The following VIT variants were observed in gnomAD, a reference collection of about 807,000 sequenced individuals.
VIT encodes the protein vitrin.
VIT carries 99 observed loss-of-function variants against 78.0 expected under a neutral mutation model. That is an observed-to-expected ratio of 1.27 (90% confidence interval 1.08 to 1.50). VIT has a LOEUF of 1.50. Ranked by LOEUF, VIT falls within the 40% of genes most tolerant of loss-of-function variation. The pLI is 0.00. For missense variants in VIT, 1,126 were observed against 875.3 expected (o/e 1.29, Z -3.61); for synonymous variants, 374 against 334.3 (o/e 1.12, Z -1.29).
In VIT at chr2:36,712,192, G is replaced by C. The variant is rs114963914; in HGVS notation, c.-18-4161G>C. Among the ~76,000 whole-genome samples the C allele has an allele frequency of 8.8e-3, 1,346 of 152,208 alleles. 9 individuals are homozygous for C. Among genetic ancestry groups the C allele is most frequent in the Non-Finnish European group, 0.012 (814 of 68,018 alleles). ...TTCAAAAGGCACATTTACATTTTAA[G>C]TGCTTGAGTAAACAGACCAAGCAAG... On this transcript the variant is annotated intron_variant, in intron 1 of 15. Coordinates refer to ENST00000379242, the MANE Select transcript of VIT (RefSeq NM_053276.4).
chr2:36,795,437 CGCTCTTGTTGCCCAGGCTG>C (rs1203620123), intron 12 of VIT, among the ~76,000 whole-genome samples: 1 of 150,042 alleles, frequency 6.7e-6, no homozygotes, highest in East Asian at 1.9e-4. Context: ...GACGGAGTTT[CGCTCTTGTTGCCCAGGCTG>C]GATCTTGTTG....
chr2:36,729,591 T>C (rs1217875680), intron 3 of VIT, 100 bp downstream of exon 3: 1 of 1,160,070 alleles, frequency 8.6e-7, no homozygotes, highest in African/African-American at 1.6e-5. Flanking sequence ...GTTTGGTTTT[T>C]ATCTCTATGT....
chr2:36,716,204 C>G (rs1348997321), intron 1 of VIT, 149 bp from the exon 2 acceptor site: 1 of 563,778 alleles, frequency 1.8e-6, no homozygotes. Flanking sequence ...ACTGACATCT[C>G]TATGTGCTGC....
rs72265270 is a variant in VIT at position 36,699,607 on chromosome 2, GAT to G, written c.-19+2638_-19+2639del. On this transcript the variant is annotated intron_variant, in intron 1 of 15. Transcript: ENST00000379242. Reference sequence around the variant, plus strand: ...GATTATAGATATAGATATAGATATAGATATAGATAGATATATAGGTAGATAGA... The same window carrying G: ...GATTATAGATATAGATATAGATATAGATAGATAGATATATAGGTAGATAGA... Among the ~76,000 whole-genome samples the G allele has an allele frequency of 6.9e-3, 812 of 117,650 alleles. 11 individuals carry two copies. Among genetic ancestry groups the G allele is most frequent in the African/African-American group, 0.019 (611 of 31,970 alleles). The allele number at this position is 117,650 out of a possible 152,430, so 77.2% of individuals were successfully genotyped here.
At chr2:36,704,333 C>T (rs1447872973) in intron 1 of VIT, among the ~76,000 whole-genome samples, 1 of 152,152 alleles carries the variant, frequency 6.6e-6, no homozygotes, top group African/African-American at 2.4e-5. Context: ...GTAAAATCAC[C>T]TGTGTACCAT....
At chr2:36,765,767 G>T (rs1480016338) in intron 6 of VIT, among the ~76,000 whole-genome samples, 1 of 152,262 alleles carries the variant, frequency 6.6e-6, no homozygotes, top group Non-Finnish European at 1.5e-5. Context: ...CTACCCTATA[G>T]CCTCCTGAGA....
chr2:36,772,932 C>G (rs1236506334), intron 7 of VIT, among the ~76,000 whole-genome samples: 1 of 152,168 alleles, frequency 6.6e-6, no homozygotes, highest in African/African-American at 2.4e-5. Flanking sequence ...TTGCATTTCT[C>G]TTAACAGAAT....
At chr2:36,789,366 G>C (rs1665326140) in intron 12 of VIT, among the ~76,000 whole-genome samples, 1 of 152,204 alleles carries the variant, frequency 6.6e-6, no homozygotes, top group African/African-American at 2.4e-5. Context: ...GTATTCAGAA[G>C]ACATCCAGTA....
chr2:36,800,024 G>A (rs1666201223), intron 12 of VIT, among the ~76,000 whole-genome samples: 1 of 144,758 alleles, frequency 6.9e-6, no homozygotes, highest in Admixed American at 6.9e-5. Flanking sequence ...CTACAGCCTG[G>A]AGACACAGCG....
chr2:36,731,519 T>G (rs1016861647), intron 3 of VIT, among the ~76,000 whole-genome samples: 8 of 152,110 alleles, frequency 5.3e-5, no homozygotes, highest in African/African-American at 1.9e-4. Flanking sequence ...ATGATCCACC[T>G]GCCTTGGCCT....
intron 2 of VIT, among the ~76,000 whole-genome samples, chr2:36,726,892 G>T (rs916448902): frequency 6.6e-6 from 1 of 151,242 alleles, no homozygotes; most frequent in Non-Finnish European, 1.5e-5. Flanking sequence ...AAGGAGAAAG[G>T]GGGTGGGGAG....
At chr2:36,707,595 G>A (rs944777269) in intron 1 of VIT, among the ~76,000 whole-genome samples, 7 of 152,150 alleles carry the variant, frequency 4.6e-5, no homozygotes, top group East Asian at 3.9e-4. Context: ...GGATCTGCCC[G>A]GGAGCTGTGG....
intron 1 of VIT, among the ~76,000 whole-genome samples, chr2:36,714,894 A>T (rs1426837943): frequency 2.0e-5 from 3 of 152,234 alleles, no homozygotes; most frequent in Non-Finnish European, 4.4e-5. Context: ...TAGTAGTATC[A>T]GCAAACCTTT....
chr2:36,789,991 C>G (rs1665375697), intron 12 of VIT, among the ~76,000 whole-genome samples: 1 of 152,164 alleles, frequency 6.6e-6, no homozygotes, highest in Non-Finnish European at 1.5e-5. Flanking sequence ...AAGATTCCTT[C>G]CTTGGGTTTC....
intron 3 of VIT, among the ~76,000 whole-genome samples, chr2:36,737,538 T>C (rs1159328295): frequency 6.6e-6 from 1 of 152,182 alleles, no homozygotes; most frequent in Non-Finnish European, 1.5e-5. Context: ...TGGGGTGAAA[T>C]GTACAACATG....
At chr2:36,758,218 G>A (rs542843649) in intron 5 of VIT, among the ~76,000 whole-genome samples, 5 of 152,292 alleles carry the variant, frequency 3.3e-5, no homozygotes, top group East Asian at 1.9e-4. Context: ...ACTGCTTCAC[G>A]CCAGGAACAA....
chr2:36,781,812 G>C lies in VIT; in HGVS notation c.847+41G>C, dbSNP rs570241565. The stretch of plus-strand genomic sequence containing the variant: ...AACCTCTCAGCCACGCGTGGATCAA[G>C]ATGCGCAGGATAGCAGAACTAAGAG... On this transcript the variant is annotated intron_variant, in intron 10 of 15. Coordinates refer to ENST00000379242, the MANE Select transcript of VIT (RefSeq NM_053276.4). 26 of 1,609,478 alleles carry C rather than the reference G, an allele frequency of 1.6e-5. No homozygotes were observed. In the Middle Eastern group the frequency reaches 5.0e-4, roughly 31 times the overall value.
intron 1 of VIT, among the ~76,000 whole-genome samples, chr2:36,703,890 TTTTG>T (rs994782794): frequency 3.3e-5 from 5 of 151,220 alleles, no homozygotes; most frequent in African/African-American, 1.2e-4. Flanking sequence ...GGGCAGGTTT[TTTTG>T]TTTGTTTGTT....
intron 12 of VIT, among the ~76,000 whole-genome samples, chr2:36,798,608 A>C (rs35292218): frequency 0.68 from 102,622 of 151,298 alleles, 35,455 homozygotes; most frequent in East Asian, 0.81. Flanking sequence ...TACAAAAACA[A>C]ATAAGCCAGG....
Sources: gnomAD v4.1 joint callset for allele counts (sites outside exome capture counted in the v4.1 genomes callset) on GRCh38, gnomAD v4.1.1 for gene constraint, MANE v1.5 for transcripts, NCBI Gene and HGNC (gene_info 2026-07-23, HGNC 2026-07-21) for gene names.